The following DAB1 variants were observed in gnomAD, a reference collection of about 807,000 sequenced individuals.
DAB1 encodes the protein disabled homolog 1.
A neutral mutation model predicts 64.6 loss-of-function variants in DAB1; 15 were observed. That is an observed-to-expected ratio of 0.23 (90% CI 0.16 to 0.36). The LOEUF (loss-of-function observed/expected upper bound fraction) is 0.36, where lower values mean the gene tolerates loss of function less well. Ranked by LOEUF, DAB1 falls within the 10% of genes least tolerant of loss-of-function variation. The pLI, the probability that DAB1 is intolerant of heterozygous loss-of-function variation, is 1.00. For synonymous variants in DAB1, 235 were observed against 251.9 expected, an observed-to-expected ratio of 0.93 and a Z score of 0.64; for missense variants, 596 against 706.7, an observed-to-expected ratio of 0.84 and a Z score of 1.78.
chr1:57,412,016 T>C (rs1684152281), intron 1 of DAB1, among the ~76,000 whole-genome samples: 1 of 152,240 alleles, frequency 6.6e-6, no homozygotes, highest in African/African-American at 2.4e-5. Flanking sequence ...TGTGTCTCTG[T>C]CCTACTTTGG....
intron 9 of DAB1, among the ~76,000 whole-genome samples, chr1:57,039,628 C>G (rs973961327): frequency 6.6e-6 from 1 of 152,326 alleles, no homozygotes; most frequent in East Asian, 1.9e-4. Context: ...CCCACCCTTT[C>G]TCCTTCCCAC....
chr1:57,303,320 G>A (rs1385239133), intron 1 of DAB1, among the ~76,000 whole-genome samples: 4 of 152,152 alleles, frequency 2.6e-5, no homozygotes, highest in Non-Finnish European at 4.4e-5. Flanking sequence ...CATGGCAAAG[G>A]AGTTGTATGT....
chr1:57,057,031 C>G lies in DAB1; in HGVS notation c.723+5853G>C, dbSNP rs144933035. 5.1e-3 allele frequency among the ~76,000 whole-genome samples: 770 copies of G among 152,126 alleles called. 7 individuals carry two copies. The highest frequency in any genetic ancestry group is 0.017 in the Admixed American group (254 of 15,280). ...TGGAAGAAAAGGATGAACAGAGGCTCATGGTGAGAGAAAGGAGGGGTTCCT... is the reference window on the plus strand; with the variant it reads ...TGGAAGAAAAGGATGAACAGAGGCTGATGGTGAGAGAAAGGAGGGGTTCCT... On this transcript the variant is annotated intron_variant, in intron 9 of 14. Transcript: ENST00000371236.
At chr1:57,374,882 C>T (rs1282426481) in intron 1 of DAB1, among the ~76,000 whole-genome samples, 1 of 152,124 alleles carries the variant, frequency 6.6e-6, no homozygotes, top group Non-Finnish European at 1.5e-5. Context: ...TAAAGCCCAC[C>T]CTTTTGAGCA....
In DAB1 at chr1:58,370,104, T is replaced by C. The variant is rs111891872; in HGVS notation, n.258-26701A>G. On this transcript the variant is annotated intron_variant and non_coding_transcript_variant, in intron 3 of 20. Coordinates refer to the DAB1 transcript ENST00000485760. ...TATTGTCATATGTATTCAATGAGGATTGCCAGTGTGGCATTGTCTATAAAA... is the reference window on the plus strand; with the variant it reads ...TATTGTCATATGTATTCAATGAGGACTGCCAGTGTGGCATTGTCTATAAAA... Among the ~76,000 whole-genome samples, 1,001 of 152,316 alleles carry C rather than the reference T, an allele frequency of 6.6e-3. 14 individuals carry two copies. Among genetic ancestry groups the C allele is most frequent in the African/African-American group, 0.023 (969 of 41,574 alleles).
intron 3 of DAB1, among the ~76,000 whole-genome samples, chr1:58,458,826 CAAACAAAA>C (rs972825056): frequency 2.7e-5 from 4 of 146,870 alleles, no homozygotes; most frequent in African/African-American, 5.2e-5. Flanking sequence ...AACAAACAAA[CAAACAAAA>C]AAAAAAAACG....
At chr1:58,178,443 G>A (rs530441431) in intron 4 of DAB1, among the ~76,000 whole-genome samples, 21 of 152,138 alleles carry the variant, frequency 1.4e-4, no homozygotes, top group African/African-American at 2.7e-4. Context: ...GGATCTTTCC[G>A]GAAATAATCA....
intron 1 of DAB1, among the ~76,000 whole-genome samples, chr1:57,332,754 G>A (rs12756218): frequency 6.6e-6 from 1 of 152,166 alleles, no homozygotes; most frequent in Non-Finnish European, 1.5e-5. Flanking sequence ...TGGAGACTGA[G>A]GCTAGAAAGG....
chr1:57,472,623 CG>C (rs200799793), intron 7 of DAB1, among the ~76,000 whole-genome samples: 3,635 of 152,194 alleles, frequency 0.024, 158 homozygotes, highest in African/African-American at 0.08. Context: ...GTCACATACC[CG>C]CTGCTTGCTC....
intron 4 of DAB1, among the ~76,000 whole-genome samples, chr1:58,288,092 C>A (rs1184196355): frequency 3.4e-5 from 5 of 146,954 alleles, no homozygotes; most frequent in Admixed American, 2.0e-4. Context: ...TAACATGCAA[C>A]TTAAATATAG....
intron 3 of DAB1, among the ~76,000 whole-genome samples, chr1:58,387,507 G>A (rs1644442224): frequency 6.6e-6 from 1 of 152,106 alleles, no homozygotes; most frequent in African/African-American, 2.4e-5. Flanking sequence ...GGGAGGTGGT[G>A]GGAAAGTGAA....
intron 4 of DAB1, among the ~76,000 whole-genome samples, chr1:57,095,824 G>A (rs1004215614): frequency 1.3e-5 from 2 of 152,146 alleles, no homozygotes; most frequent in African/African-American, 4.8e-5. Context: ...GAGAATTTAG[G>A]ACTTGATGTA....
intron 1 of DAB1, chr1:57,387,483 CA>C (rs1681968894): frequency 3.9e-5 from 2 of 51,848 alleles, no homozygotes; most frequent in African/African-American, 1.9e-4. Context: ...TGTATATGTA[CA>C]CACACACACA....
chr1:57,551,956 T>C (rs1052876398), intron 7 of DAB1, among the ~76,000 whole-genome samples: 3 of 152,076 alleles, frequency 2.0e-5, no homozygotes, highest in African/African-American at 7.2e-5. Flanking sequence ...CAGAAAAAAA[T>C]GCATTCACAC....
At chr1:57,336,003 A>T (rs188218857) in intron 1 of DAB1, among the ~76,000 whole-genome samples, 1 of 152,298 alleles carries the variant, frequency 6.6e-6, no homozygotes, top group Non-Finnish European at 1.5e-5. Context: ...GCAAAGAAAT[A>T]CCTCATCACT....
chr1:58,236,137 C>T (rs1042435421), intron 4 of DAB1, among the ~76,000 whole-genome samples: 9 of 151,118 alleles, frequency 6.0e-5, no homozygotes, highest in Non-Finnish European at 1.0e-4. Context: ...CCCACTCCTC[C>T]TCACCTACCT....
intron 7 of DAB1, among the ~76,000 whole-genome samples, chr1:57,440,685 A>G (rs926657820): frequency 6.6e-6 from 1 of 152,228 alleles, no homozygotes. Context: ...GGGTGAAAAG[A>G]CATGGTCAGA....
chr1:57,503,405 C>G (rs1382545253), intron 7 of DAB1, among the ~76,000 whole-genome samples: 1 of 152,150 alleles, frequency 6.6e-6, no homozygotes, highest in African/African-American at 2.4e-5. Flanking sequence ...AGTTTGGGAC[C>G]CTAAAAATCT....
chr1:57,553,158 T>C (rs1398021707), intron 7 of DAB1, among the ~76,000 whole-genome samples: 1 of 151,674 alleles, frequency 6.6e-6, no homozygotes, highest in Non-Finnish European at 1.5e-5. Context: ...CTATGGGTGA[T>C]TTATCTGGGG....
Sources: gnomAD v4.1 joint callset for allele counts (sites outside exome capture counted in the v4.1 genomes callset) on GRCh38, gnomAD v4.1.1 for gene constraint, MANE v1.5 for transcripts, NCBI Gene and HGNC (gene_info 2026-07-23, HGNC 2026-07-21) for gene names.